Variants in MARCHF1 observed in about 807,000 individuals in gnomAD.
MARCHF1 encodes membrane associated ring-CH-type finger 1, also known as E3 ubiquitin-protein ligase MARCHF1.
MARCHF1 carries 40 observed loss-of-function variants against 54.2 expected under a neutral mutation model. The ratio of observed to expected loss-of-function variants is 0.74; its 90% CI spans 0.57 to 0.96. MARCHF1 has a LOEUF of 0.96. Among genes scored for constraint, MARCHF1 ranks in the 40% least tolerant of loss-of-function variants. MARCHF1 has a pLI of 0.00. For synonymous variants in MARCHF1, 236 were observed against 236.3 expected (o/e 1.00, Z 0.01); for missense variants, 586 against 656.5 (o/e 0.89, Z 1.17).
intron 3 of MARCHF1, among the ~76,000 whole-genome samples, chr4:163,856,475 C>G (rs1225533000): frequency 1.3e-5 from 2 of 152,074 alleles, no homozygotes; most frequent in Admixed American, 6.6e-5. Flanking sequence ...GACAGTTAAG[C>G]GTGTGAAATG....
In MARCHF1 at chr4:163,804,470, G is replaced by A. The variant is rs189793094; in HGVS notation, c.111+49551C>T. On this transcript the variant is annotated intron_variant, in intron 4 of 9. Coordinates refer to ENST00000514618, the MANE Select transcript of MARCHF1 (RefSeq NM_001394959.1). ...AACAAGCTCACTGGGGGATTCTGAT[G>A]CACACAAAAGTTTGTAAACCACTGT... Among the ~76,000 whole-genome samples the A allele has an allele frequency of 1.6e-4, 25 of 152,202 alleles. No homozygotes were observed. In the East Asian group the frequency reaches 3.5e-3, roughly 21 times the overall value.
intron 1 of MARCHF1, among the ~76,000 whole-genome samples, chr4:164,219,515 T>G (rs557326072): frequency 3.3e-4 from 50 of 152,222 alleles, no homozygotes; most frequent in African/African-American, 1.2e-3. Flanking sequence ...TTTACATTTA[T>G]GTCAATCCAG....
chr4:164,076,267 A>C (rs950645468), intron 2 of MARCHF1, among the ~76,000 whole-genome samples: 1 of 152,204 alleles, frequency 6.6e-6, no homozygotes, highest in African/African-American at 2.4e-5. Flanking sequence ...GTGCATAAGA[A>C]GACTTTGAAA....
intron 1 of MARCHF1, among the ~76,000 whole-genome samples, chr4:164,351,330 C>T (rs1264004863): frequency 2.0e-5 from 3 of 151,232 alleles, no homozygotes; most frequent in Non-Finnish European, 4.4e-5. Context: ...AACAAAAAGA[C>T]AGCAGTAACC....
At chr4:164,376,477 A>G (rs1200917810) in intron 1 of MARCHF1, among the ~76,000 whole-genome samples, 3 of 152,174 alleles carry the variant, frequency 2.0e-5, no homozygotes, top group Non-Finnish European at 4.4e-5. Context: ...ATTATGTGCA[A>G]ATAATACAAG....
At chr4:164,317,392 G>A (rs1485338377) in intron 1 of MARCHF1, among the ~76,000 whole-genome samples, 2 of 152,178 alleles carry the variant, frequency 1.3e-5, no homozygotes, top group South Asian at 2.1e-4. Flanking sequence ...AGTTGTACCA[G>A]ATTCAGGTTC....
chr4:164,179,241 C>A (rs1730769657), intron 1 of MARCHF1, among the ~76,000 whole-genome samples: 1 of 152,158 alleles, frequency 6.6e-6, no homozygotes, highest in African/African-American at 2.4e-5. Flanking sequence ...AAAGGAAAGG[C>A]TGTGGTTTCC....
chr4:163,742,728 C>T (rs535471929), intron 4 of MARCHF1, among the ~76,000 whole-genome samples: 9 of 152,110 alleles, frequency 5.9e-5, no homozygotes, highest in South Asian at 4.2e-4. Flanking sequence ...TCCTCCCACC[C>T]GGACCTCCCA....
At chr4:163,667,468 T>C in intron 5 of MARCHF1, among the ~76,000 whole-genome samples, 1 of 152,174 alleles carries the variant, frequency 6.6e-6, no homozygotes, top group East Asian at 1.9e-4. Flanking sequence ...TAAAACCTTT[T>C]ATTGACATCA....
intron 1 of MARCHF1, among the ~76,000 whole-genome samples, chr4:164,344,432 ATG>A (rs963787886): frequency 2.0e-5 from 3 of 151,048 alleles, no homozygotes; most frequent in African/African-American, 7.3e-5. Context: ...AAATAAGAAT[ATG>A]TGTGTTTGTG....
intron 4 of MARCHF1, among the ~76,000 whole-genome samples, chr4:163,727,087 GT>G (rs1251712075): frequency 6.6e-6 from 1 of 151,918 alleles, no homozygotes; most frequent in East Asian, 1.9e-4. Context: ...TCCAGTTTGT[GT>G]TTTTTTCTTT....
chr4:163,851,786 C>T (rs1749648450), intron 4 of MARCHF1, among the ~76,000 whole-genome samples: 1 of 152,176 alleles, frequency 6.6e-6, no homozygotes, highest in Admixed American at 6.5e-5. Context: ...TCCATAATGG[C>T]CCATGCTCGA....
chr4:164,341,306 G>T (rs1000226756), intron 1 of MARCHF1, among the ~76,000 whole-genome samples: 1 of 149,656 alleles, frequency 6.7e-6, no homozygotes, highest in African/African-American at 2.4e-5. Context: ...GCATACTCAA[G>T]AGTAAAAAGC....
At chr4:163,831,996 A>C (rs1749038588) in intron 4 of MARCHF1, among the ~76,000 whole-genome samples, 2 of 152,348 alleles carry the variant, frequency 1.3e-5, no homozygotes, top group African/African-American at 4.8e-5. Context: ...ATGATTTGGA[A>C]AGAAAACTTT....
intron 4 of MARCHF1, among the ~76,000 whole-genome samples, chr4:163,740,644 G>A (rs1228279256): frequency 1.3e-5 from 2 of 152,092 alleles, no homozygotes; most frequent in African/African-American, 2.4e-5. Flanking sequence ...GTCTCCCTTC[G>A]AAGGATCTTC....
At chr4:163,620,946 T>C (rs1160496497) in intron 5 of MARCHF1, among the ~76,000 whole-genome samples, 1 of 152,208 alleles carries the variant, frequency 6.6e-6, no homozygotes, top group Admixed American at 6.5e-5. Context: ...AAATGACAAC[T>C]ACTAACATCA....
chr4:164,272,991 T>C (rs578177780), intron 1 of MARCHF1, among the ~76,000 whole-genome samples: 85 of 152,044 alleles, frequency 5.6e-4, no homozygotes, highest in Admixed American at 1.3e-3. Flanking sequence ...TATATGTACA[T>C]ATTTTTAATA....
At chr4:163,970,560 A>C (rs1752528063) in intron 3 of MARCHF1, among the ~76,000 whole-genome samples, 1 of 152,226 alleles carries the variant, frequency 6.6e-6, no homozygotes, top group Non-Finnish European at 1.5e-5. Flanking sequence ...GTTAAGTGGA[A>C]AGGAAGACAA....
At chr4:164,312,450 G>A (rs1218227400) in intron 1 of MARCHF1, among the ~76,000 whole-genome samples, 3 of 149,922 alleles carry the variant, frequency 2.0e-5, no homozygotes, top group Non-Finnish European at 4.4e-5. Context: ...AGCCTCCCGA[G>A]TAGCTGGGAC....
Sources: allele counts gnomAD v4.1 joint callset (sites outside exome capture counted in the v4.1 genomes callset), GRCh38; gene constraint gnomAD v4.1.1; transcripts MANE v1.5; gene names NCBI Gene and HGNC (gene_info 2026-07-23, HGNC 2026-07-21).